FMNL3: variants seen among roughly 807,000 people sequenced by gnomAD.
FMNL3 encodes the protein formin like 3.
In FMNL3, 57 loss-of-function variants were observed where a neutral mutation model predicts 119.6. That is an observed-to-expected ratio of 0.48 (90% CI 0.39 to 0.59). The LOEUF is 0.59. FMNL3 is among the 20% of genes least tolerant of loss of function. The probability of loss-of-function intolerance (pLI) is 0.00; values close to 1 mark genes in which losing one functional copy is unlikely to be tolerated. For synonymous variants in FMNL3, 491 were observed against 507.3 expected, an observed-to-expected ratio of 0.97 and a Z score of 0.43; for missense variants, 1,053 against 1,323.5, an observed-to-expected ratio of 0.80 and a Z score of 3.17.
At chr12:49,704,820 A>T (rs1481295576) in intron 1 of FMNL3, among the ~76,000 whole-genome samples, 1 of 151,776 alleles carries the variant, frequency 6.6e-6, no homozygotes, top group East Asian at 1.9e-4. Context: ...TCACAATCTC[A>T]CCAGAACAGG....
chr12:49,679,326 T>C (rs1944274673), intron 1 of FMNL3, among the ~76,000 whole-genome samples: 2 of 152,064 alleles, frequency 1.3e-5, no homozygotes, highest in Non-Finnish European at 2.9e-5. Flanking sequence ...ATGAATCGTA[T>C]TAGCCCTTCT....
intron 1 of FMNL3, among the ~76,000 whole-genome samples, chr12:49,679,519 C>CTTTTTTTTTT (rs551320921): frequency 1.1e-4 from 10 of 90,644 alleles, no homozygotes; most frequent in Non-Finnish European, 1.9e-4. Flanking sequence ...GCATTTGTGT[C>CTTTTTTTTTT]TTTTTTTTTT....
chr12:49,682,001 C>T (rs376688509), intron 1 of FMNL3, among the ~76,000 whole-genome samples: 146 of 152,070 alleles, frequency 9.6e-4, no homozygotes, highest in African/African-American at 2.6e-3. Context: ...CTGGAATGAC[C>T]TACTCCAGGA....
Position 49,643,473 on chromosome 12 carries a change from C to T in FMNL3, c.*2342G>A. On this transcript the variant is annotated 3_prime_UTR_variant, in exon 26 of 26. Coordinates refer to ENST00000335154, the MANE Select transcript of FMNL3 (RefSeq NM_175736.5). ...AGAGGATGCCCTCCACAAGCCCCAG[C>T]TCCTTTGAGGGTAGACTGGATTGGG... The T allele has an allele frequency of 6.7e-7, 1 of 1,497,374 alleles. No homozygotes were observed. Among genetic ancestry groups the T allele is most frequent in the Non-Finnish European group, 9.0e-7 (1 of 1,116,468 alleles). 92.8% of individuals were successfully genotyped at this position (1,497,374 alleles called of 1,614,324 possible).
chr12:49,666,809 A>T (rs369254581), intron 2 of FMNL3, among the ~76,000 whole-genome samples: 36 of 152,180 alleles, frequency 2.4e-4, no homozygotes, highest in African/African-American at 7.0e-4. Flanking sequence ...AAAAAAAATT[A>T]AAAAAAGATA....
rs569717431 is a variant in FMNL3, at chr12:49,653,295, T to C, written c.1254A>G (p.Glu418=). Residue 418 remains glutamate, a synonymous_variant, in exon 13 of 26, where the codon GAA becomes GAG. Coordinates refer to ENST00000335154, the MANE Select transcript of FMNL3 (RefSeq NM_175736.5). ...LTEKLLDLEN[E]NMMRVAELEK... ...CTAGTTCTGCCACCCGCATCATGTT[T>C]TCATTCTCTAGGTCCAGAAGCTTCT... 26 of 1,614,016 alleles carry C rather than the reference T, an allele frequency of 1.6e-5. No individual in the cohort carries two copies. The African/African-American group carries it at 3.5e-4, about 22-fold the overall frequency.
chr12:49,672,312 C>T (rs918271479), intron 1 of FMNL3, among the ~76,000 whole-genome samples: 1 of 152,128 alleles, frequency 6.6e-6, no homozygotes, highest in African/African-American at 2.4e-5. Flanking sequence ...TGGCAGGAGA[C>T]TCCAAGGAAG....
chr12:49,688,248 G>A (rs1228672117), intron 1 of FMNL3, among the ~76,000 whole-genome samples: 2 of 152,320 alleles, frequency 1.3e-5, no homozygotes, highest in East Asian at 1.9e-4. Context: ...TCACCCTGCA[G>A]GGGACAGTCT....
chr12:49,690,381 G>A (rs1020794928), intron 1 of FMNL3, among the ~76,000 whole-genome samples: 2 of 151,648 alleles, frequency 1.3e-5, no homozygotes, highest in African/African-American at 4.9e-5. Context: ...CCAACCTAAA[G>A]CCTTCTTTGT....
In FMNL3 at chr12:49,636,952, G is replaced by T. The variant is rs907044841; in HGVS notation, c.*8863C>A. 3.9e-6 allele frequency: 6 copies of T among 1,548,974 alleles called. No homozygotes were observed. Among genetic ancestry groups the T allele is most frequent in the Non-Finnish European group, 5.3e-6 (6 of 1,142,600 alleles). ...TCTGGATACGCTGCCTGTTCTTTCT[G>T]TGCCTAGCCCTGTCCAAGCTCTATG... On this transcript the variant is annotated 3_prime_UTR_variant, in exon 26 of 26. Transcript: ENST00000335154.
At position 49,642,385 on chromosome 12, in the gene FMNL3, G is replaced by A; in HGVS notation, c.*3430C>T. The A allele has an allele frequency of 1.2e-6, 2 of 1,612,998 alleles. No homozygotes were observed. Among genetic ancestry groups the A allele is most frequent in the East Asian group, 2.2e-5 (1 of 44,852 alleles). ...TGCCTGGGAAGAGGTCAGGAGCGTA[G>A]CCTGGCCCCAAGCACCCCTCAAGCC... On this transcript the variant is annotated 3_prime_UTR_variant, in exon 26 of 26. Transcript: ENST00000335154. The surrounding 1 kb of genome is among the most constrained non-coding windows in gnomAD (Gnocchi z 5.8).
chr12:49,637,737 C>T lies in FMNL3; in HGVS notation c.*8078G>A, dbSNP rs771583115. On this transcript the variant is annotated 3_prime_UTR_variant, in exon 26 of 26. Transcript: ENST00000335154. Reference sequence around the variant, plus strand: ...CCCCTCCCTCCCTCCTTACAGGCTCCACCCCTCTGGACTTATTCAAGTTCT... The same window carrying T: ...CCCCTCCCTCCCTCCTTACAGGCTCTACCCCTCTGGACTTATTCAAGTTCT... 6.2e-7 allele frequency: 1 copy of T among 1,606,614 alleles called. No homozygotes were observed. The highest frequency in any genetic ancestry group is 8.5e-7 in the Non-Finnish European group (1 of 1,174,664).
intron 1 of FMNL3, among the ~76,000 whole-genome samples, chr12:49,686,578 C>CA (rs746062262): frequency 0.022 from 1,368 of 61,348 alleles, 7 homozygotes; most frequent in African/African-American, 0.029. Context: ...ACTTCATCTC[C>CA]AAAAAAAAAA....
chr12:49,658,279 G>A (rs1943632470), intron 6 of FMNL3, among the ~76,000 whole-genome samples, 163 bp downstream of exon 6: 1 of 152,188 alleles, frequency 6.6e-6, no homozygotes, highest in Non-Finnish European at 1.5e-5. Context: ...CAGAGTCAAG[G>A]AGACAGAGAA....
At chr12:49,666,383 G>A (rs1009600066) in intron 2 of FMNL3, among the ~76,000 whole-genome samples, 176 bp from the exon 3 acceptor site, 1 of 152,108 alleles carries the variant, frequency 6.6e-6, no homozygotes, top group African/African-American at 2.4e-5. Flanking sequence ...TTATCCCCAG[G>A]TGTTACCACC....
At chr12:49,693,648 T>TTTTTTTTTG in intron 1 of FMNL3, among the ~76,000 whole-genome samples, 1 of 129,432 alleles carries the variant, frequency 7.7e-6, no homozygotes, top group African/African-American at 3.0e-5. Context: ...TTTTTTTTTT[T>TTTTTTTTTG]TTTTTTTTTT....
In FMNL3 at chr12:49,652,185, C is replaced by G. The variant is rs754221153; in HGVS notation, c.1351G>C (p.Val451Leu). ...KETYENTSHQ[V>L]HTLRRLIKEK... ...TTAATGAGCCTCCGCAGGGTGTGCA[C>G]CTGGTGGCTTGTGTTCTCATATGTC... The change falls in exon 14 of 26, where the codon GTG (valine) becomes CTG (leucine). Residue 451 changes from valine (V) to leucine (L), a missense_variant. Physicochemically the swap from Val to Leu is conservative, Grantham distance 32. This residue lies in a region of FMNL3 where 445 missense variants were observed against 628.4 expected (regional missense o/e 0.71). Transcript: ENST00000335154. The G allele has an allele frequency of 6.2e-7, 1 of 1,613,184 alleles. No individual in the cohort carries two copies. Among genetic ancestry groups the G allele is most frequent in the Admixed American group, 1.7e-5 (1 of 59,928 alleles).
At chr12:49,689,031 T>A (rs1403983877) in intron 1 of FMNL3, among the ~76,000 whole-genome samples, 3 of 152,124 alleles carry the variant, frequency 2.0e-5, no homozygotes, top group Admixed American at 2.0e-4. Context: ...GGTGCAAGGA[T>A]CACTTGAGCC....
At chr12:49,680,914 C>G (rs1944318589) in intron 1 of FMNL3, among the ~76,000 whole-genome samples, 1 of 152,228 alleles carries the variant, frequency 6.6e-6, no homozygotes, top group Non-Finnish European at 1.5e-5. Context: ...CTCCAACATA[C>G]AAGGTTTTCT....
Sources: gnomAD v4.1 joint callset for allele counts (sites outside exome capture counted in the v4.1 genomes callset) on GRCh38, gnomAD v4.1.1 for gene constraint, gnomAD v4.1.1 regional missense constraint, Gnocchi (gnomAD v3.1) non-coding constraint, MANE v1.5 for transcripts, NCBI Gene and HGNC (gene_info 2026-07-23, HGNC 2026-07-21) for gene names.